Variants in TRPC4 observed in about 807,000 individuals in gnomAD.
TRPC4 encodes the protein short transient receptor potential channel 4.
In TRPC4, 49 loss-of-function variants were observed where a neutral mutation model predicts 99.4. That is an observed-to-expected ratio of 0.49 (90% CI 0.39 to 0.63). The LOEUF (loss-of-function observed/expected upper bound fraction) is 0.63. TRPC4 is among the 20% of genes least tolerant of loss of function. The pLI is 0.00. For synonymous variants in TRPC4, 454 were observed against 425.9 expected, an observed-to-expected ratio of 1.07 and a Z score of -0.81; for missense variants, 898 against 1,152.9, an observed-to-expected ratio of 0.78 and a Z score of 3.20.
At position 37,692,306 on chromosome 13, in the gene TRPC4, C is replaced by T. The variant is rs749813796; in HGVS notation, c.927G>A (p.Leu309=). 7 of 1,613,722 alleles carry T rather than the reference C, an allele frequency of 4.3e-6. No homozygotes were observed. Among genetic ancestry groups the T allele is most frequent in the Non-Finnish European group, 5.9e-6 (7 of 1,179,866 alleles). Residue 309 remains leucine (L), a synonymous_variant, in exon 4 of 11, where the codon CTG becomes CTA. Transcript: ENST00000379705. The part of the protein sequence containing the change: ...EFVAQPNCQQ[L]LASRWYDEFP... ...ACTCATCGTACCAGCGAGATGCCAG[C>T]AGCTGTTGACAATTGGGCTGGGCAA...
At chr13:37,722,421 C>G (rs1025047567) in intron 3 of TRPC4, among the ~76,000 whole-genome samples, 1 of 152,172 alleles carries the variant, frequency 6.6e-6, no homozygotes, top group Non-Finnish European at 1.5e-5. Context: ...TCAGAGCATT[C>G]AAATTTCTTG....
chr13:37,782,303 C>T (rs970513324), intron 2 of TRPC4, among the ~76,000 whole-genome samples: 2 of 152,028 alleles, frequency 1.3e-5, no homozygotes, highest in Non-Finnish European at 1.5e-5. Flanking sequence ...TAATTGTGTG[C>T]CATTTTAGTT....
intron 4 of TRPC4, among the ~76,000 whole-genome samples, chr13:37,689,854 T>A (rs984061535): frequency 4.6e-5 from 7 of 152,232 alleles, no homozygotes; most frequent in African/African-American, 1.7e-4. Flanking sequence ...TACCCATTTA[T>A]CCCAGTAAAA....
chr13:37,763,310 G>T (rs1393996087), intron 2 of TRPC4, among the ~76,000 whole-genome samples: 1 of 151,572 alleles, frequency 6.6e-6, no homozygotes, highest in African/African-American at 2.4e-5. Context: ...AAGTACTAAG[G>T]CATATATTGA....
chr13:37,817,974 G>A (rs866999567), intron 1 of TRPC4, among the ~76,000 whole-genome samples: 4 of 151,802 alleles, frequency 2.6e-5, no homozygotes, highest in Non-Finnish European at 5.9e-5. Flanking sequence ...ACACAGGAAC[G>A]TACAAAGATT....
chr13:37,799,765 G>A (rs1186380206), intron 1 of TRPC4, among the ~76,000 whole-genome samples: 1 of 152,162 alleles, frequency 6.6e-6, no homozygotes, highest in Non-Finnish European at 1.5e-5. Flanking sequence ...ACCCAAGAAG[G>A]TTCGATCTGA....
At chr13:37,727,008 C>T (rs1390536679) in intron 3 of TRPC4, among the ~76,000 whole-genome samples, 1 of 152,082 alleles carries the variant, frequency 6.6e-6, no homozygotes, top group Non-Finnish European at 1.5e-5. Context: ...TCAATACCCT[C>T]TCTCAAGAGC....
intron 1 of TRPC4, among the ~76,000 whole-genome samples, chr13:37,867,358 A>C (rs74049230): frequency 1.3e-5 from 2 of 152,120 alleles, no homozygotes; most frequent in African/African-American, 4.8e-5. Flanking sequence ...GCTGCTAAAT[A>C]TAATGCTGAT....
chr13:37,746,480 A>G (rs1402690852), intron 2 of TRPC4, 25 bp from the exon 3 acceptor site: 2 of 1,564,350 alleles, frequency 1.3e-6, no homozygotes, highest in South Asian at 2.4e-5. Flanking sequence ...GGCAGAGGTG[A>G]TGAATATTTA....
chr13:37,777,191 T>C (rs1956729144), intron 2 of TRPC4, among the ~76,000 whole-genome samples: 1 of 151,980 alleles, frequency 6.6e-6, no homozygotes, highest in South Asian at 2.1e-4. Context: ...ATTAGTCCAT[T>C]CTCACATTGA....
chr13:37,838,605 T>C (rs747934088), intron 1 of TRPC4, among the ~76,000 whole-genome samples: 35 of 152,266 alleles, frequency 2.3e-4, no homozygotes, highest in Non-Finnish European at 4.6e-4. Context: ...AAGTAAAAAT[T>C]TAGAACTTTT....
At chr13:37,717,138 G>A (rs1429156702) in intron 3 of TRPC4, among the ~76,000 whole-genome samples, 2 of 151,944 alleles carry the variant, frequency 1.3e-5, no homozygotes, top group East Asian at 3.9e-4. Flanking sequence ...GAGTTATAAG[G>A]GAGAAAATCA....
chr13:37,765,856 T>C (rs754743644), intron 2 of TRPC4, among the ~76,000 whole-genome samples: 1 of 151,470 alleles, frequency 6.6e-6, no homozygotes, highest in Non-Finnish European at 1.5e-5. Flanking sequence ...AATTTCTCTT[T>C]TCTAGATATA....
Position 37,663,595 on chromosome 13 carries a change from T to C in TRPC4, c.1509A>G (p.Gly503=), listed in dbSNP as rs1425922344. Residue 503 remains glycine (G), a synonymous_variant, in exon 6 of 11, where the codon GGA becomes GGG. Coordinates refer to ENST00000379705, the MANE Select transcript of TRPC4 (RefSeq NM_016179.4). ...TTCTTCCCAGAGATATTTGCAGAGGTCCCAGGTGAGAATTTGCAGTAAACA... is the reference window on the plus strand; with the variant it reads ...TTCTTCCCAGAGATATTTGCAGAGGCCCCAGGTGAGAATTTGCAGTAAACA... ...ISLFTANSHL[G]PLQISLGRML... 1.6e-5 allele frequency: 26 copies of C among 1,613,932 alleles called. No homozygotes were observed. The highest frequency in any genetic ancestry group is 2.7e-5 in the African/African-American group (2 of 74,878).
intron 3 of TRPC4, among the ~76,000 whole-genome samples, chr13:37,704,867 T>C (rs1954216262): frequency 6.6e-6 from 1 of 152,136 alleles, no homozygotes; most frequent in African/African-American, 2.4e-5. Context: ...AATGAGTACA[T>C]TCATTATGGA....
intron 3 of TRPC4, among the ~76,000 whole-genome samples, chr13:37,736,863 C>G (rs12430621): frequency 0.4 from 60,521 of 150,248 alleles, 13,026 homozygotes; most frequent in Non-Finnish European, 0.49. Flanking sequence ...CAAGTAGCTG[C>G]GAGTACAGAC....
chr13:37,687,798 T>C (rs1818850713), intron 4 of TRPC4, among the ~76,000 whole-genome samples: 1 of 152,188 alleles, frequency 6.6e-6, no homozygotes, highest in African/African-American at 2.4e-5. Flanking sequence ...ATGAAACTTT[T>C]TCTCCAGACA....
chr13:37,758,343 T>C (rs552385120), intron 2 of TRPC4, among the ~76,000 whole-genome samples: 1 of 151,884 alleles, frequency 6.6e-6, no homozygotes, highest in Non-Finnish European at 1.5e-5. Context: ...TTATGGTAAA[T>C]AATATTTTTC....
chr13:37,821,807 C>A (rs1415672278), intron 1 of TRPC4, among the ~76,000 whole-genome samples: 1 of 152,068 alleles, frequency 6.6e-6, no homozygotes, highest in Non-Finnish European at 1.5e-5. Context: ...ATACAAAAAT[C>A]AGCTCAAGAT....
Sources: allele counts gnomAD v4.1 joint callset (sites outside exome capture counted in the v4.1 genomes callset), GRCh38; gene constraint gnomAD v4.1.1; transcripts MANE v1.5; gene names NCBI Gene and HGNC (gene_info 2026-07-23, HGNC 2026-07-21).